FHIT: variants seen among roughly 807,000 people sequenced by gnomAD.
FHIT encodes the protein bis(5'-adenosyl)-triphosphatase.
FHIT carries 19 observed loss-of-function variants against 17.9 expected under a neutral mutation model. The observed-to-expected ratio is 1.06, with a 90% CI of 0.74 to 1.56. The LOEUF is 1.56. FHIT is among the 40% of genes most tolerant of loss of function. The probability of loss-of-function intolerance (pLI) is 0.00; values close to 1 mark genes in which losing one functional copy is unlikely to be tolerated. For synonymous variants in FHIT, 81 were observed against 69.7 expected (o/e 1.16, Z -0.81); for missense variants, 248 against 189.2 (o/e 1.31, Z -1.82).
chr3:60,429,122 C>T (rs1300474412), intron 5 of FHIT, among the ~76,000 whole-genome samples: 1 of 151,948 alleles, frequency 6.6e-6, no homozygotes, highest in East Asian at 1.9e-4. Flanking sequence ...GAGTACAAAA[C>T]AATGACACAA....
chr3:60,168,594 G>A (rs1701282482), intron 5 of FHIT, among the ~76,000 whole-genome samples: 1 of 152,152 alleles, frequency 6.6e-6, no homozygotes, highest in African/African-American at 2.4e-5. Flanking sequence ...ATAAAACCCA[G>A]TAATTCATAT....
intron 3 of FHIT, among the ~76,000 whole-genome samples, chr3:61,019,820 G>A (rs556329449): frequency 3.9e-5 from 6 of 152,056 alleles, no homozygotes; most frequent in Non-Finnish European, 7.4e-5. Context: ...AGGCACAATG[G>A]TAAAAGGAAT....
At chr3:59,889,227 A>T (rs1703749025) in intron 8 of FHIT, among the ~76,000 whole-genome samples, 1 of 152,196 alleles carries the variant, frequency 6.6e-6, no homozygotes. Context: ...TGACCAATAA[A>T]AATGGGACTA....
chr3:60,031,911 T>A (rs1197298371), intron 5 of FHIT, among the ~76,000 whole-genome samples: 1 of 152,204 alleles, frequency 6.6e-6, no homozygotes, highest in Non-Finnish European at 1.5e-5. Flanking sequence ...ACCACTGTAG[T>A]AACAGCAGTA....
intron 5 of FHIT, among the ~76,000 whole-genome samples, chr3:60,470,574 T>C (rs1477426315): frequency 6.6e-6 from 1 of 151,968 alleles, no homozygotes; most frequent in Non-Finnish European, 1.5e-5. Context: ...TTGTGGTGAA[T>C]GCTGCCAGTC....
intron 8 of FHIT, among the ~76,000 whole-genome samples, chr3:59,765,284 A>G (rs1701738660): frequency 1.3e-5 from 2 of 152,262 alleles, no homozygotes; most frequent in South Asian, 4.1e-4. Context: ...AATTTCAGGT[A>G]TCTATGTAAA....
chr3:59,884,763 C>A (rs527743194), intron 8 of FHIT, among the ~76,000 whole-genome samples: 1 of 152,270 alleles, frequency 6.6e-6, no homozygotes, highest in African/African-American at 2.4e-5. Context: ...AACACCTTGT[C>A]AGTTGCCAAT....
chr3:60,888,400 G>A (rs896330617), intron 3 of FHIT, among the ~76,000 whole-genome samples: 1 of 152,012 alleles, frequency 6.6e-6, no homozygotes, highest in Non-Finnish European at 1.5e-5. Flanking sequence ...AGAATTCTAC[G>A]CATCAAATTC....
chr3:60,695,850 T>G (rs782241225), intron 4 of FHIT, among the ~76,000 whole-genome samples: 6 of 152,076 alleles, frequency 3.9e-5, no homozygotes, highest in Non-Finnish European at 8.8e-5. Flanking sequence ...ATTATGAGGG[T>G]TGTTGTGAGA....
chr3:59,912,546 A>C (rs1704930345), intron 8 of FHIT, among the ~76,000 whole-genome samples: 1 of 152,208 alleles, frequency 6.6e-6, no homozygotes, highest in Non-Finnish European at 1.5e-5. Context: ...CGCTAAAAGG[A>C]AATTCAGCCT....
At chr3:60,550,344 A>G (rs185914608) in intron 4 of FHIT, among the ~76,000 whole-genome samples, 85 of 152,322 alleles carry the variant, frequency 5.6e-4, no homozygotes, top group Non-Finnish European at 5.9e-5. Flanking sequence ...GAAGATAACA[A>G]AGTGAACAAA....
Position 61,051,480 on chromosome 3 carries a change from C to T in FHIT, c.-163-9381G>A, listed in dbSNP as rs555583520. ...GCCCAGGCTGATCTCGAACTCTAGCCTCAAGCCATCTGCTCACCTCAGCCT... is the reference window on the plus strand; with the variant it reads ...GCCCAGGCTGATCTCGAACTCTAGCTTCAAGCCATCTGCTCACCTCAGCCT... On this transcript the variant is annotated intron_variant, in intron 2 of 9. Transcript: ENST00000492590. Among the ~76,000 whole-genome samples the T allele has an allele frequency of 6.2e-4, 95 of 152,210 alleles. 1 individual carries two copies. The highest frequency in any genetic ancestry group is 3.4e-3 in the Middle Eastern group (1 of 294).
chr3:60,859,239 A>G (rs1553750727), intron 3 of FHIT, among the ~76,000 whole-genome samples: 1 of 152,190 alleles, frequency 6.6e-6, no homozygotes, highest in Non-Finnish European at 1.5e-5. Context: ...GGCTCCTCAT[A>G]GACCTCTTCA....
chr3:60,871,139 A>G (rs1407564214), intron 3 of FHIT, among the ~76,000 whole-genome samples: 2 of 152,230 alleles, frequency 1.3e-5, no homozygotes, highest in East Asian at 3.9e-4. Flanking sequence ...TCATTCTTGC[A>G]TATCTGCAGC....
intron 8 of FHIT, among the ~76,000 whole-genome samples, chr3:59,837,164 G>A (rs1279700351): frequency 6.6e-6 from 1 of 152,086 alleles, no homozygotes; most frequent in Non-Finnish European, 1.5e-5. Flanking sequence ...AGTAGTCCTG[G>A]AGTATAGAAG....
intron 8 of FHIT, among the ~76,000 whole-genome samples, chr3:59,861,364 C>T (rs903658761): frequency 3.8e-4 from 58 of 152,134 alleles, no homozygotes; most frequent in African/African-American, 1.2e-3. Flanking sequence ...AAGCTCAAGG[C>T]CAAACCCACT....
At chr3:60,080,094 G>A (rs115536932) in intron 5 of FHIT, among the ~76,000 whole-genome samples, 3,053 of 152,176 alleles carry the variant, frequency 0.02, 44 homozygotes, top group Non-Finnish European at 0.026. Flanking sequence ...TCCGTGTAAT[G>A]TCCCATTACT....
intron 5 of FHIT, among the ~76,000 whole-genome samples, chr3:60,041,667 C>T (rs1701444454): frequency 1.3e-5 from 2 of 152,160 alleles, no homozygotes; most frequent in Non-Finnish European, 2.9e-5. Context: ...GTTCACAAAG[C>T]TGTCATGGGG....
intron 3 of FHIT, among the ~76,000 whole-genome samples, chr3:60,973,116 A>C (rs1182251489): frequency 6.6e-6 from 1 of 152,176 alleles, no homozygotes; most frequent in African/African-American, 2.4e-5. Flanking sequence ...TTTCTAGTGA[A>C]TGACAGATAC....
Sources: gnomAD v4.1 joint callset for allele counts (sites outside exome capture counted in the v4.1 genomes callset) on GRCh38, gnomAD v4.1.1 for gene constraint, MANE v1.5 for transcripts, NCBI Gene and HGNC (gene_info 2026-07-23, HGNC 2026-07-21) for gene names.